The following USP13 variants were observed in gnomAD, a reference collection of about 807,000 sequenced individuals.
USP13 encodes the protein ubiquitin specific peptidase 13.
Under a neutral mutation model 107.8 loss-of-function variants are expected in USP13, and 68 were observed. The ratio of observed to expected loss-of-function variants is 0.63; its 90% CI spans 0.52 to 0.77. The LOEUF (loss-of-function observed/expected upper bound fraction) is 0.77, where lower values mean the gene tolerates loss of function less well. USP13 is among the 30% of genes least tolerant of loss of function. USP13 has a pLI of 0.00. For missense variants in USP13, 945 were observed against 1,093.3 expected (o/e 0.86, Z 1.91); for synonymous variants, 377 against 389.5 (o/e 0.97, Z 0.38).
intron 16 of USP13, among the ~76,000 whole-genome samples, chr3:179,760,652 C>T (rs76298745): frequency 0.027 from 4,034 of 151,936 alleles, 115 homozygotes; most frequent in Middle Eastern, 0.14. Context: ...TTGCACTCTC[C>T]GTTTTCCAGA....
rs569602060 is a variant in USP13, at chr3:179,750,326, G to GTATATATATATATATATA, written c.1710-1957_1710-1940dup. On this transcript the variant is annotated intron_variant, in intron 13 of 20. Coordinates refer to ENST00000263966, the MANE Select transcript of USP13 (RefSeq NM_003940.3). The stretch of plus-strand genomic sequence containing the variant: ...TGTGTATATATATATATATATGTGT[G>GTATATATATATATATATA]TATATATATATATATATATGTATAT... Among the ~76,000 whole-genome samples the GTATATATATATATATATA allele has an allele frequency of 1.2e-3, 93 of 75,838 alleles. 1 individual carries two copies. The highest frequency in any genetic ancestry group is 3.3e-3 in the African/African-American group (86 of 25,726). The allele number at this position is 75,838 out of a possible 152,430, so 49.8% of individuals were successfully genotyped here.
At chr3:179,714,124 G>A (rs1257908341) in intron 6 of USP13, among the ~76,000 whole-genome samples, 14 of 152,182 alleles carry the variant, frequency 9.2e-5, no homozygotes, top group Non-Finnish European at 1.5e-4. Flanking sequence ...AGGGCAGGAC[G>A]GAGACGGGAT....
intron 2 of USP13, among the ~76,000 whole-genome samples, chr3:179,684,437 A>C (rs138680444): frequency 6.6e-6 from 1 of 152,252 alleles, no homozygotes; most frequent in African/African-American, 2.4e-5. Flanking sequence ...CAGCCCCCCA[A>C]GTAGCTGAGA....
chr3:179,755,595 G>A (rs564415326), intron 15 of USP13, among the ~76,000 whole-genome samples: 12 of 152,350 alleles, frequency 7.9e-5, no homozygotes, highest in African/African-American at 2.6e-4. Flanking sequence ...ACTGTGCCCA[G>A]CCTCATAACT....
At chr3:179,670,450 A>G (rs1411908879) in intron 1 of USP13, among the ~76,000 whole-genome samples, 1 of 151,938 alleles carries the variant, frequency 6.6e-6, no homozygotes, top group East Asian at 1.9e-4. Context: ...CTTCTTTTCC[A>G]TTCTCCACAT....
intron 12 of USP13, among the ~76,000 whole-genome samples, chr3:179,743,538 T>C (rs1262901073): frequency 1.3e-5 from 2 of 152,174 alleles, no homozygotes; most frequent in Non-Finnish European, 2.9e-5. Context: ...TCATTTTCTA[T>C]ATGCTCATGC....
chr3:179,653,211 G>A lies in USP13; in HGVS notation c.-15G>A. 1 of 1,496,188 alleles carries A rather than the reference G, an allele frequency of 6.7e-7. No individual in the cohort carries two copies. The highest frequency in any genetic ancestry group is 8.9e-7 in the Non-Finnish European group (1 of 1,122,832). 92.7% of individuals were successfully genotyped at this position (1,496,188 alleles called of 1,614,324 possible). A position where few individuals can be genotyped will look rare whatever the true frequency, so the allele number is the denominator to read the frequency against. On this transcript the variant is annotated 5_prime_UTR_variant, in exon 1 of 21. It adds an upstream start codon to the 5' untranslated region. Transcript: ENST00000263966. The surrounding 1 kb of genome is among the most constrained non-coding windows in gnomAD (Gnocchi z 4.0). ...CTCCGGCTCGGCTCGCTCGGCTCCG[G>A]TGCGCGCCGAGGCCATGCAGCGCCG... is the stretch of plus-strand genomic sequence containing the variant.
At chr3:179,714,456 C>T (rs1260540536) in intron 6 of USP13, among the ~76,000 whole-genome samples, 1 of 152,192 alleles carries the variant, frequency 6.6e-6, no homozygotes, top group East Asian at 1.9e-4. Context: ...TGTCATGGTA[C>T]TTTCCACAAG....
At chr3:179,750,213 C>T (rs557056088) in intron 13 of USP13, among the ~76,000 whole-genome samples, 22 of 150,650 alleles carry the variant, frequency 1.5e-4, no homozygotes, top group African/African-American at 3.7e-4. Context: ...TGCAGTGACC[C>T]GAGATCACGC....
intron 4 of USP13, among the ~76,000 whole-genome samples, chr3:179,702,950 C>T (rs932042465): frequency 1.3e-5 from 2 of 152,064 alleles, no homozygotes; most frequent in Non-Finnish European, 1.5e-5. Flanking sequence ...AAATTATTTT[C>T]CTTTCAGCCC....
intron 4 of USP13, among the ~76,000 whole-genome samples, chr3:179,705,922 C>A (rs1014561872): frequency 3.9e-5 from 6 of 152,138 alleles, no homozygotes; most frequent in Admixed American, 3.3e-4. Context: ...AGGGTTTCAC[C>A]ACGTTAGCCA....
At chr3:179,759,483 G>A (rs962471937) in intron 16 of USP13, among the ~76,000 whole-genome samples, 6 of 152,158 alleles carry the variant, frequency 3.9e-5, no homozygotes, top group African/African-American at 9.7e-5. Flanking sequence ...CTAAGGAGAG[G>A]ATAGACTATG....
intron 3 of USP13, 31 bp downstream of exon 3, chr3:179,690,332 TTG>T (rs1712071957): frequency 6.3e-7 from 1 of 1,598,900 alleles, no homozygotes; most frequent in African/African-American, 1.3e-5. Context: ...TGCTCAGATT[TTG>T]TGTTTGTGTG....
intron 2 of USP13, among the ~76,000 whole-genome samples, chr3:179,686,142 G>A (rs939716809): frequency 6.6e-6 from 1 of 152,098 alleles, no homozygotes; most frequent in Non-Finnish European, 1.5e-5. Flanking sequence ...TCCCACTCCC[G>A]TGAGTGGCCA....
chr3:179,696,804 A>G (rs1397692283), intron 3 of USP13, among the ~76,000 whole-genome samples: 2 of 151,948 alleles, frequency 1.3e-5, no homozygotes, highest in African/African-American at 2.4e-5. Flanking sequence ...TATGAAGGAG[A>G]TAGTAGAGAA....
chr3:179,701,699 A>G (rs1712530010), intron 4 of USP13, among the ~76,000 whole-genome samples: 1 of 152,188 alleles, frequency 6.6e-6, no homozygotes, highest in Non-Finnish European at 1.5e-5. Context: ...TCCCTATGTG[A>G]ACTAAGACTA....
At chr3:179,781,465 G>A (rs921931422) in intron 19 of USP13, among the ~76,000 whole-genome samples, 1 of 152,042 alleles carries the variant, frequency 6.6e-6, no homozygotes, top group Non-Finnish European at 1.5e-5. Context: ...CCACCAGACC[G>A]GGCTGTGGGA....
chr3:179,757,223 G>C (rs958821889), intron 16 of USP13, 145 bp downstream of exon 16: 1 of 850,380 alleles, frequency 1.2e-6, no homozygotes, highest in East Asian at 2.5e-5. Context: ...GTGTCTGCTA[G>C]TCAGTGACAT....
At chr3:179,654,171 G>T (rs1460252836) in intron 1 of USP13, among the ~76,000 whole-genome samples, 3 of 134,930 alleles carry the variant, frequency 2.2e-5, no homozygotes, top group Non-Finnish European at 3.0e-5. Context: ...CCGAGATCGC[G>T]CCACTGCCCT....
Sources: allele counts gnomAD v4.1 joint callset (sites outside exome capture counted in the v4.1 genomes callset), GRCh38; gene constraint gnomAD v4.1.1; non-coding constraint Gnocchi (gnomAD v3.1); transcripts MANE v1.5; gene names NCBI Gene and HGNC (gene_info 2026-07-23, HGNC 2026-07-21).